Variants in TMEM132B observed in about 807,000 individuals in gnomAD.
TMEM132B encodes the protein transmembrane protein 132B.
In TMEM132B, 18 loss-of-function variants were observed where a neutral mutation model predicts 90.8. The ratio of observed to expected loss-of-function variants is 0.20; its 90% CI spans 0.14 to 0.29. The LOEUF (loss-of-function observed/expected upper bound fraction) is 0.29. TMEM132B is among the 10% of genes least tolerant of loss of function. The pLI, the probability that TMEM132B is intolerant of heterozygous loss-of-function variation, is 1.00. For synonymous variants in TMEM132B, 504 were observed against 523.3 expected, an observed-to-expected ratio of 0.96 and a Z score of 0.50; for missense variants, 1,096 against 1,326.8, an observed-to-expected ratio of 0.83 and a Z score of 2.70.
chr12:125,424,446 A>G (rs891056513), intron 3 of TMEM132B, among the ~76,000 whole-genome samples: 2 of 152,242 alleles, frequency 1.3e-5, no homozygotes, highest in Non-Finnish European at 2.9e-5. Context: ...ATTTGCATCG[A>G]CGTAATTTCT....
chr12:125,362,123 G>A (rs772176218), intron 2 of TMEM132B, among the ~76,000 whole-genome samples: 26 of 152,286 alleles, frequency 1.7e-4, no homozygotes, highest in Non-Finnish European at 2.4e-4. Flanking sequence ...CAGGTGTGCA[G>A]TGTTTGTTGG....
At chr12:125,432,760 C>T (rs1880580215) in intron 3 of TMEM132B, among the ~76,000 whole-genome samples, 1 of 151,928 alleles carries the variant, frequency 6.6e-6, no homozygotes, top group African/African-American at 2.4e-5. Context: ...GCTCATCCGT[C>T]CCTTTGATGG....
At chr12:125,350,492 C>A in intron 2 of TMEM132B, 149 bp downstream of exon 2, 1 of 917,122 alleles carries the variant, frequency 1.1e-6, no homozygotes, top group Non-Finnish European at 1.6e-6. Context: ...AGATTTTATT[C>A]AGTAACTACG....
chr12:125,525,469 A>T (rs1316355834), intron 4 of TMEM132B, among the ~76,000 whole-genome samples: 2 of 152,220 alleles, frequency 1.3e-5, no homozygotes, highest in African/African-American at 2.4e-5. Context: ...ATGCGAGGAC[A>T]TGGTGTTTCG....
chr12:125,623,061 G>A (rs377353145), intron 5 of TMEM132B, among the ~76,000 whole-genome samples: 23 of 152,214 alleles, frequency 1.5e-4, no homozygotes, highest in African/African-American at 5.3e-4. Context: ...AATTAACAGC[G>A]CTTTTCTCCA....
chr12:125,414,369 A>G lies in TMEM132B; in HGVS notation c.960-1162A>G, dbSNP rs151315547. On this transcript the variant is annotated intron_variant, in intron 2 of 8. Transcript: ENST00000682704. ...TGTGGATTTGATTAATTAATCTTGG[A>G]GGTAATCTTTGCTTCCCATCAATCT... is the stretch of plus-strand genomic sequence containing the variant. Among the ~76,000 whole-genome samples the G allele has an allele frequency of 7.9e-3, 1,189 of 149,840 alleles. 16 individuals carry two copies. Among genetic ancestry groups the G allele is most frequent in the African/African-American group, 0.028 (1,130 of 40,714 alleles).
Position 125,658,198 on chromosome 12 carries a change from CA to C in TMEM132B, c.*3489del, listed in dbSNP as rs1887115982. The C allele has an allele frequency of 6.6e-6, 1 of 152,188 alleles. No homozygotes were observed. The highest frequency in any genetic ancestry group is 1.5e-5 in the Non-Finnish European group (1 of 68,034). 9.4% of individuals were successfully genotyped at this position (152,188 alleles called of 1,614,324 possible). The stretch of plus-strand genomic sequence containing the variant: ...GGAAGTTTCTATTTATAAAGTCATG[CA>C]GGGGGAAAGTTGATTAATTTTTGTC... On this transcript the variant is annotated 3_prime_UTR_variant, in exon 9 of 9. Coordinates refer to ENST00000682704, the MANE Select transcript of TMEM132B (RefSeq NM_001366854.1).
intron 3 of TMEM132B, among the ~76,000 whole-genome samples, chr12:125,467,920 C>T (rs777562597): frequency 3.3e-5 from 5 of 152,160 alleles, no homozygotes; most frequent in Non-Finnish European, 7.4e-5. Context: ...ATAATATTTT[C>T]TCATAGCATG....
At chr12:125,434,061 G>A (rs1048471206) in intron 3 of TMEM132B, among the ~76,000 whole-genome samples, 1 of 152,206 alleles carries the variant, frequency 6.6e-6, no homozygotes, top group South Asian at 2.1e-4. Context: ...AATAAATTTC[G>A]CGGGGTGTTA....
At chr12:125,611,274 A>G (rs1435946285) in intron 5 of TMEM132B, among the ~76,000 whole-genome samples, 1 of 152,050 alleles carries the variant, frequency 6.6e-6, no homozygotes, top group Non-Finnish European at 1.5e-5. Context: ...GACTTTTATA[A>G]CTACTTGGGT....
intron 3 of TMEM132B, among the ~76,000 whole-genome samples, chr12:125,501,947 G>T (rs937396328): frequency 2.0e-5 from 3 of 152,194 alleles, no homozygotes; most frequent in African/African-American, 7.2e-5. Context: ...GTGAAAATAG[G>T]GTACTGTCGT....
intron 1 of TMEM132B, among the ~76,000 whole-genome samples, chr12:125,208,218 G>A (rs1464989772): frequency 2.0e-5 from 3 of 152,212 alleles, no homozygotes; most frequent in Non-Finnish European, 4.4e-5. Flanking sequence ...TGGAGGGATG[G>A]CAGTAGACAG....
In TMEM132B at chr12:125,480,448, A is replaced by G. The variant is rs191557444; in HGVS notation, c.1107-38991A>G. Among the ~76,000 whole-genome samples the G allele has an allele frequency of 2.0e-5, 3 of 152,364 alleles. No homozygotes were observed. In the East Asian group the frequency reaches 5.8e-4, roughly 29 times the overall value. ...GGATATCACCACCGATCCCACAGAAATACAAACTACTGTCAGAGAATACTA... is the reference window on the plus strand; with the variant it reads ...GGATATCACCACCGATCCCACAGAAGTACAAACTACTGTCAGAGAATACTA... On this transcript the variant is annotated intron_variant, in intron 3 of 8. Coordinates refer to ENST00000682704, the MANE Select transcript of TMEM132B (RefSeq NM_001366854.1).
At chr12:125,505,570 A>T (rs914865667) in intron 3 of TMEM132B, among the ~76,000 whole-genome samples, 7 of 151,856 alleles carry the variant, frequency 4.6e-5, no homozygotes, top group African/African-American at 1.7e-4. Context: ...CTGGTGGTGC[A>T]TGCCTGTAAT....
At chr12:125,530,903 G>A (rs1403365250) in intron 4 of TMEM132B, among the ~76,000 whole-genome samples, 1 of 152,214 alleles carries the variant, frequency 6.6e-6, no homozygotes, top group Non-Finnish European at 1.5e-5. Context: ...GAATTTTAGG[G>A]GGACACTAGC....
In TMEM132B at chr12:125,490,614, C is replaced by T. The variant is rs1882323937; in HGVS notation, c.1107-28825C>T. Among the ~76,000 whole-genome samples the T allele has an allele frequency of 6.6e-6, 1 of 152,086 alleles. No individual in the cohort carries two copies. The highest frequency in any genetic ancestry group is 1.5e-5 in the Non-Finnish European group (1 of 68,006). On this transcript the variant is annotated intron_variant, in intron 3 of 8. Coordinates refer to ENST00000682704, the MANE Select transcript of TMEM132B (RefSeq NM_001366854.1). This position sits in a 1 kb window ranked among gnomAD's most constrained non-coding sequence, Gnocchi z 4.2. ...GAGTAGCTCGACTACAGACACCTGC[C>T]ACCACGCCTGGCTAATTTTTTGTGT...
chr12:125,441,953 G>A (rs1880886626), intron 3 of TMEM132B, among the ~76,000 whole-genome samples: 1 of 152,166 alleles, frequency 6.6e-6, no homozygotes, highest in Non-Finnish European at 1.5e-5. Flanking sequence ...CAGTATTTTT[G>A]AAAGATTTTT....
chr12:125,654,031 C>G lies in TMEM132B; in HGVS notation c.2573C>G (p.Pro858Arg). ...STNKSTTPQS[P>R]MEGKNKLLKS... is the part of the protein sequence containing the mutation. Reference sequence around the variant, plus strand: ...AACAAAAGCACAACCCCCCAGTCTCCCATGGAAGGGAAGAATAAGTTACTC... The same window carrying G: ...AACAAAAGCACAACCCCCCAGTCTCGCATGGAAGGGAAGAATAAGTTACTC... The change falls in exon 9 of 9, where the codon CCC becomes CGC. Residue 858 changes from proline (P) to arginine (R), a missense_variant. Pro to Arg is a moderately radical substitution (Grantham distance 103). Transcript: ENST00000682704. This position sits in a 1 kb window ranked among gnomAD's most constrained non-coding sequence, Gnocchi z 5.8. 6.2e-7 allele frequency: 1 copy of G among 1,614,142 alleles called. No individual in the cohort carries two copies. Among genetic ancestry groups the G allele is most frequent in the Non-Finnish European group, 8.5e-7 (1 of 1,180,022 alleles).
At chr12:125,342,044 C>T (rs939394031) in intron 1 of TMEM132B, among the ~76,000 whole-genome samples, 3 of 152,116 alleles carry the variant, frequency 2.0e-5, no homozygotes, top group African/African-American at 7.2e-5. Context: ...GTTGGTAGTT[C>T]TGCAAACTAT....
Sources: gnomAD v4.1 joint callset for allele counts (sites outside exome capture counted in the v4.1 genomes callset) on GRCh38, gnomAD v4.1.1 for gene constraint, Gnocchi (gnomAD v3.1) non-coding constraint, MANE v1.5 for transcripts, NCBI Gene and HGNC (gene_info 2026-07-23, HGNC 2026-07-21) for gene names.